NRXN3: variants seen among roughly 807,000 people sequenced by gnomAD.
NRXN3 encodes the protein neurexin 3.
A neutral mutation model predicts 137.6 loss-of-function variants in NRXN3; 32 were observed. The observed-to-expected ratio is 0.23, with a 90% CI of 0.18 to 0.31. NRXN3 has a LOEUF of 0.31. Among genes scored for constraint, NRXN3 ranks in the 10% least tolerant of loss-of-function variants. The pLI, the probability that NRXN3 is intolerant of heterozygous loss-of-function variation, is 1.00. For missense variants in NRXN3, 1,574 were observed against 2,062.5 expected (o/e 0.76, Z 4.59); for synonymous variants, 798 against 784.5 (o/e 1.02, Z -0.29).
chr14:78,518,955 T>C (rs2153799119), intron 4 of NRXN3, among the ~76,000 whole-genome samples: 1 of 152,178 alleles, frequency 6.6e-6, no homozygotes, highest in Admixed American at 6.6e-5. Flanking sequence ...AAAATAACCT[T>C]AATCAGGAAC....
In NRXN3 at chr14:79,029,829, GGTTT is replaced by G. The variant is rs546212606; in HGVS notation, c.3262+41705_3262+41708del. 2.9e-3 allele frequency among the ~76,000 whole-genome samples: 434 copies of G among 151,738 alleles called. 4 individuals are homozygous for G. The highest frequency in any genetic ancestry group is 9.8e-3 in the African/African-American group (406 of 41,340). ...TTGGGGCAATTGTATGGTGCATTAT[GGTTT>G]GTTTGTTTGTTTGTTTATTTATTTA... is the stretch of plus-strand genomic sequence containing the variant. On this transcript the variant is annotated intron_variant, in intron 15 of 20. Coordinates refer to ENST00000335750, the MANE Select transcript of NRXN3 (RefSeq NM_001330195.2).
chr14:79,124,101 G>A (rs1219439396), intron 15 of NRXN3, among the ~76,000 whole-genome samples: 1 of 152,040 alleles, frequency 6.6e-6, no homozygotes, highest in East Asian at 1.9e-4. Flanking sequence ...GTAGGTCTGG[G>A]GGCTTTTCTG....
chr14:78,751,444 C>A (rs2098641610), intron 8 of NRXN3, among the ~76,000 whole-genome samples: 1 of 152,022 alleles, frequency 6.6e-6, no homozygotes, highest in Non-Finnish European at 1.5e-5. Context: ...TTTCTCCCTC[C>A]CTGTCCCTCC....
chr14:78,431,027 AT>A (rs1238947274), intron 4 of NRXN3, among the ~76,000 whole-genome samples: 1 of 151,988 alleles, frequency 6.6e-6, no homozygotes, highest in African/African-American at 2.4e-5. Flanking sequence ...AAATTTTTCT[AT>A]TTTTTAAGAC....
At chr14:79,735,757 A>G (rs1381668019) in intron 19 of NRXN3, among the ~76,000 whole-genome samples, 1 of 152,076 alleles carries the variant, frequency 6.6e-6, no homozygotes, top group Non-Finnish European at 1.5e-5. Flanking sequence ...CTTTCTCCTG[A>G]TCTAATAGGG....
intron 7 of NRXN3, among the ~76,000 whole-genome samples, chr14:78,711,502 C>T (rs1043151382): frequency 3.7e-5 from 5 of 136,494 alleles, no homozygotes; most frequent in African/African-American, 1.1e-4. Flanking sequence ...AGTGCAATGG[C>T]GCAGTCTCGG....
At chr14:78,948,206 A>T (rs2099372159) in intron 10 of NRXN3, among the ~76,000 whole-genome samples, 1 of 152,248 alleles carries the variant, frequency 6.6e-6, no homozygotes, top group Non-Finnish European at 1.5e-5. Flanking sequence ...TCCACTGTCA[A>T]GATTCCTGCT....
chr14:79,687,631 A>G (rs892903111), intron 17 of NRXN3, among the ~76,000 whole-genome samples: 2 of 152,216 alleles, frequency 1.3e-5, no homozygotes, highest in African/African-American at 2.4e-5. Flanking sequence ...TGCCTTTGGC[A>G]TTCATTTTGC....
intron 19 of NRXN3, among the ~76,000 whole-genome samples, chr14:79,798,274 T>C (rs2099166988): frequency 6.6e-6 from 1 of 152,146 alleles, no homozygotes; most frequent in Non-Finnish European, 1.5e-5. Flanking sequence ...TCAATAGGTA[T>C]TAGGTAATTG....
chr14:78,667,018 C>A (rs536549321), intron 6 of NRXN3, among the ~76,000 whole-genome samples: 1 of 152,222 alleles, frequency 6.6e-6, no homozygotes, highest in African/African-American at 2.4e-5. Context: ...TTCTTCTAGC[C>A]AAGAATTTCT....
At chr14:78,317,603 A>G (rs2078860646) in intron 4 of NRXN3, among the ~76,000 whole-genome samples, 1 of 152,152 alleles carries the variant, frequency 6.6e-6, no homozygotes. Context: ...GAGGTTGAGG[A>G]CTTCTGGATT....
chr14:78,426,977 T>A (rs2093688972), intron 4 of NRXN3, among the ~76,000 whole-genome samples: 1 of 152,106 alleles, frequency 6.6e-6, no homozygotes, highest in Non-Finnish European at 1.5e-5. Flanking sequence ...TTGCAGAATC[T>A]CATAGTTTCC....
intron 15 of NRXN3, among the ~76,000 whole-genome samples, chr14:79,091,505 C>T (rs536411691): frequency 2.6e-4 from 40 of 152,132 alleles, no homozygotes; most frequent in African/African-American, 8.4e-4. Context: ...CTGATTTGAC[C>T]GAAGGACAGA....
At chr14:78,959,532 C>T (rs781601042) in intron 11 of NRXN3, among the ~76,000 whole-genome samples, 7 of 152,040 alleles carry the variant, frequency 4.6e-5, no homozygotes, top group Non-Finnish European at 7.4e-5. Flanking sequence ...AGGAGGTAGG[C>T]CACAACACTT....
chr14:78,225,267 T>G (rs950417780), intron 1 of NRXN3, among the ~76,000 whole-genome samples: 3 of 152,152 alleles, frequency 2.0e-5, no homozygotes, highest in African/African-American at 7.2e-5. Flanking sequence ...ACCTGTTGTT[T>G]CCTGACTTTT....
At chr14:79,221,646 A>G (rs1395358713) in intron 15 of NRXN3, among the ~76,000 whole-genome samples, 1 of 151,962 alleles carries the variant, frequency 6.6e-6, no homozygotes, top group Non-Finnish European at 1.5e-5. Flanking sequence ...TAGATTCCGG[A>G]TATTAGCCCT....
In NRXN3 at chr14:79,642,451, G is replaced by A. The variant is rs185556074; in HGVS notation, c.3445-21327G>A. ...TTCTCTGTTTCCAAGTCTCTTCACAGCATTTGTATTCTGTCATTCAATACA... is the reference window on the plus strand; with the variant it reads ...TTCTCTGTTTCCAAGTCTCTTCACAACATTTGTATTCTGTCATTCAATACA... On this transcript the variant is annotated intron_variant, in intron 16 of 20. Transcript: ENST00000335750. Among the ~76,000 whole-genome samples, 28 of 135,282 alleles carry A rather than the reference G, an allele frequency of 2.1e-4. 4 individuals carry two copies. The highest frequency in any genetic ancestry group is 3.7e-4 in the African/African-American group (15 of 40,780). 88.8% of individuals were successfully genotyped at this position (135,282 alleles called of 152,430 possible). A position where few individuals can be genotyped will look rare whatever the true frequency, so the allele number is the denominator to read the frequency against.
intron 15 of NRXN3, among the ~76,000 whole-genome samples, chr14:79,111,753 T>G (rs1396560478): frequency 6.8e-6 from 1 of 148,050 alleles, no homozygotes; most frequent in African/African-American, 2.6e-5. Flanking sequence ...AAAAAAAAAG[T>G]TTATTAGCAA....
chr14:79,082,562 T>A (rs1048786004), intron 15 of NRXN3, among the ~76,000 whole-genome samples: 1 of 152,118 alleles, frequency 6.6e-6, no homozygotes, highest in African/African-American at 2.4e-5. Context: ...AAAAGAGATG[T>A]TACAGATTAT....
Sources: gnomAD v4.1 joint callset for allele counts (sites outside exome capture counted in the v4.1 genomes callset) on GRCh38, gnomAD v4.1.1 for gene constraint, MANE v1.5 for transcripts, NCBI Gene and HGNC (gene_info 2026-07-23, HGNC 2026-07-21) for gene names.